The following PCGF6 variants were observed in gnomAD, a reference collection of about 807,000 sequenced individuals.
PCGF6 encodes the protein polycomb group RING finger protein 6.
A neutral mutation model predicts 45.5 loss-of-function variants in PCGF6; 24 were observed. The ratio of observed to expected loss-of-function variants is 0.53; its 90% CI spans 0.38 to 0.74. PCGF6 has a LOEUF of 0.74. Among genes scored for constraint, PCGF6 ranks in the 30% least tolerant of loss-of-function variants. The pLI, the probability that PCGF6 is intolerant of heterozygous loss-of-function variation, is 0.00. For missense variants in PCGF6, 356 were observed against 443.2 expected (o/e 0.80, Z 1.77); for synonymous variants, 152 against 162.1 (o/e 0.94, Z 0.47).
At chr10:103,333,317 C>T (rs892327576) in intron 7 of PCGF6, among the ~76,000 whole-genome samples, 5 of 152,008 alleles carry the variant, frequency 3.3e-5, no homozygotes, top group Non-Finnish European at 7.4e-5. Context: ...ACTTTCAGTA[C>T]AGACACTTGA....
chr10:103,310,263 T>TAA (rs1215071367), intron 9 of PCGF6, among the ~76,000 whole-genome samples: 2 of 139,140 alleles, frequency 1.4e-5, no homozygotes, highest in African/African-American at 2.6e-5. Context: ...AACCATGTCT[T>TAA]AAAAAAAAAA....
intron 8 of PCGF6, among the ~76,000 whole-genome samples, chr10:103,318,670 G>T (rs2093185183): frequency 1.3e-5 from 2 of 151,966 alleles, no homozygotes; most frequent in South Asian, 4.2e-4. Flanking sequence ...CTTGAACCTG[G>T]GAGGCAGAGG....
intron 6 of PCGF6, among the ~76,000 whole-genome samples, chr10:103,344,150 T>C (rs1489380581): frequency 1.3e-5 from 2 of 151,734 alleles, no homozygotes; most frequent in Non-Finnish European, 2.9e-5. Context: ...CAGGGATGAA[T>C]CACACAATAC....
chr10:103,349,627 C>T (rs1316079785), intron 1 of PCGF6, among the ~76,000 whole-genome samples: 1 of 150,604 alleles, frequency 6.6e-6, no homozygotes, highest in Non-Finnish European at 1.5e-5. Flanking sequence ...ATTACAGGCG[C>T]GTGCCACCAC....
intron 6 of PCGF6, among the ~76,000 whole-genome samples, chr10:103,336,046 G>A (rs954189139): frequency 5.3e-5 from 8 of 151,478 alleles, no homozygotes; most frequent in African/African-American, 1.2e-4. Context: ...TGGGTGGATT[G>A]CCTGAGCTCA....
At chr10:103,316,581 T>C (rs112186664) in intron 8 of PCGF6, among the ~76,000 whole-genome samples, 1,934 of 152,166 alleles carry the variant, frequency 0.013, 21 homozygotes, top group Non-Finnish European at 0.019. Flanking sequence ...CCCAGGTCTG[T>C]CCAAGATCTA....
Position 103,303,686 on chromosome 10 carries a change from C to T in PCGF6, c.*219G>A. The T allele has an allele frequency of 2.6e-6, 1 of 391,812 alleles. No individual in the cohort carries two copies. Among genetic ancestry groups the T allele is most frequent in the Non-Finnish European group, 4.6e-6 (1 of 218,368 alleles). 24.3% of individuals were successfully genotyped at this position (391,812 alleles called of 1,614,324 possible). A position where few individuals can be genotyped will look rare whatever the true frequency, so the allele number is the denominator to read the frequency against. ...TAAAATTCAATTTTTGAAAAATTTC[C>T]CCTGAGCTTTGGCTGCTTTTTATAT... is the stretch of plus-strand genomic sequence containing the variant. On this transcript the variant is annotated 3_prime_UTR_variant, in exon 10 of 10. Transcript: ENST00000369847.
chr10:103,332,951 C>T (rs896188348), intron 7 of PCGF6, among the ~76,000 whole-genome samples: 1 of 151,884 alleles, frequency 6.6e-6, no homozygotes, highest in Non-Finnish European at 1.5e-5. Context: ...ACCGTCTCTA[C>T]TAAAAATGCA....
At chr10:103,332,132 A>G (rs1256683954) in intron 7 of PCGF6, among the ~76,000 whole-genome samples, 1 of 152,032 alleles carries the variant, frequency 6.6e-6, no homozygotes, top group Non-Finnish European at 1.5e-5. Flanking sequence ...GTAAATTAGT[A>G]ATTAAATCTA....
intron 6 of PCGF6, among the ~76,000 whole-genome samples, chr10:103,340,200 T>A (rs7923496): frequency 0.018 from 1,795 of 102,506 alleles, 52 homozygotes; most frequent in African/African-American, 0.067. Flanking sequence ...AAAAAAAAAA[T>A]ATATATATAT....
chr10:103,320,070 T>C (rs2093191458), intron 8 of PCGF6, among the ~76,000 whole-genome samples: 1 of 152,120 alleles, frequency 6.6e-6, no homozygotes, highest in Non-Finnish European at 1.5e-5. Context: ...CCTCCCAAAA[T>C]GCTGAGATTA....
chr10:103,308,405 T>C (rs1446102802), intron 9 of PCGF6, among the ~76,000 whole-genome samples: 1 of 151,610 alleles, frequency 6.6e-6, no homozygotes, highest in African/African-American at 2.4e-5. Context: ...TTAGAGCTTT[T>C]TTTTTTTTTC....
At chr10:103,344,961 A>T in intron 6 of PCGF6, 63 bp downstream of exon 6, 1 of 1,128,920 alleles carries the variant, frequency 8.9e-7, no homozygotes, top group South Asian at 1.5e-5. Flanking sequence ...TGAGTTCACA[A>T]TGATTTCCTA....
chr10:103,339,980 G>A (rs1039525713), intron 6 of PCGF6, among the ~76,000 whole-genome samples: 1 of 134,390 alleles, frequency 7.4e-6, no homozygotes, highest in Non-Finnish European at 1.6e-5. Flanking sequence ...TGGTTAACAA[G>A]GTGAAACCCC....
chr10:103,339,801 C>CAA (rs200037917), intron 6 of PCGF6, among the ~76,000 whole-genome samples: 648 of 26,930 alleles, frequency 0.024, 36 homozygotes, highest in Non-Finnish European at 0.032. Flanking sequence ...CTGTCTGTCT[C>CAA]AAAAAAAAAA....
At chr10:103,323,651 G>T (rs1458244040) in intron 8 of PCGF6, among the ~76,000 whole-genome samples, 1 of 151,730 alleles carries the variant, frequency 6.6e-6, no homozygotes, top group Non-Finnish European at 1.5e-5. Flanking sequence ...GGAGTGCAGT[G>T]GCATGATCTT....
chr10:103,343,179 C>T (rs928546014), intron 6 of PCGF6, among the ~76,000 whole-genome samples: 9 of 152,056 alleles, frequency 5.9e-5, no homozygotes, highest in South Asian at 2.1e-4. Context: ...CCGCCCGCCT[C>T]GGCCTCCCAA....
At chr10:103,314,642 T>C (rs1238340903) in intron 8 of PCGF6, among the ~76,000 whole-genome samples, 1 of 152,154 alleles carries the variant, frequency 6.6e-6, no homozygotes. Context: ...TATATCTTTT[T>C]AAATATCTGT....
intron 8 of PCGF6, among the ~76,000 whole-genome samples, chr10:103,321,441 C>T (rs367557204): frequency 1.9e-4 from 29 of 152,140 alleles, no homozygotes; most frequent in East Asian, 3.9e-4. Context: ...AGGCTGGGCG[C>T]GGTGGCTCAT....
Sources: allele counts gnomAD v4.1 joint callset (sites outside exome capture counted in the v4.1 genomes callset), GRCh38; gene constraint gnomAD v4.1.1; transcripts MANE v1.5; gene names NCBI Gene and HGNC (gene_info 2026-07-23, HGNC 2026-07-21).